The following JAKMIP2 variants were observed in gnomAD, a reference collection of about 807,000 sequenced individuals.
JAKMIP2 encodes janus kinase and microtubule-interacting protein 2.
A neutral mutation model predicts 115.0 loss-of-function variants in JAKMIP2; 25 were observed. That is an observed-to-expected ratio of 0.22 (90% CI 0.16 to 0.30). The LOEUF (loss-of-function observed/expected upper bound fraction) is 0.30, where lower values mean the gene tolerates loss of function less well. Ranked by LOEUF, JAKMIP2 falls within the 10% of genes least tolerant of loss-of-function variation. The pLI is 1.00. For missense variants in JAKMIP2, 642 were observed against 957.6 expected (o/e 0.67, Z 4.35); for synonymous variants, 334 against 343.6 (o/e 0.97, Z 0.31).
intron 20 of JAKMIP2, among the ~76,000 whole-genome samples, chr5:147,603,536 T>A (rs917857035): frequency 6.6e-6 from 1 of 152,182 alleles, no homozygotes; most frequent in Admixed American, 6.5e-5. Flanking sequence ...GCATACAGGA[T>A]CTTTAGCCTT....
chr5:147,762,104 G>A (rs1197490451), intron 1 of JAKMIP2, among the ~76,000 whole-genome samples: 1 of 152,032 alleles, frequency 6.6e-6, no homozygotes, highest in Non-Finnish European at 1.5e-5. Context: ...CTATATTTAG[G>A]AAGGATTTGA....
In JAKMIP2 at chr5:147,618,195, T is replaced by C. The variant is rs73268106; in HGVS notation, c.2143-81A>G. Reference sequence around the variant, plus strand: ...TGGGAGTGTATGCTATGTATGTATATGTATATGGCTGCCAACTTTAGGCTT... The same window carrying C: ...TGGGAGTGTATGCTATGTATGTATACGTATATGGCTGCCAACTTTAGGCTT... On this transcript the variant is annotated intron_variant, in intron 18 of 21. Transcript: ENST00000616793. 12,397 of 996,074 alleles carry C rather than the reference T, an allele frequency of 0.012. 908 individuals carry two copies. In the African/African-American group the frequency reaches 0.17, roughly 13 times the overall value. The allele number at this position is 996,074 out of a possible 1,614,324, so 61.7% of individuals were successfully genotyped here.
At chr5:147,675,321 G>A (rs1759879295) in intron 1 of JAKMIP2, among the ~76,000 whole-genome samples, 1 of 152,134 alleles carries the variant, frequency 6.6e-6, no homozygotes, top group African/African-American at 2.4e-5. Context: ...GCCTATGGGT[G>A]CCTTAAGGTG....
chr5:147,593,974 A>G (rs534432925), intron 21 of JAKMIP2, among the ~76,000 whole-genome samples: 1 of 152,336 alleles, frequency 6.6e-6, no homozygotes, highest in South Asian at 2.1e-4. Context: ...CATATCAAAG[A>G]TTAAATCCTA....
At chr5:147,625,273 G>A (rs1183772762) in intron 16 of JAKMIP2, among the ~76,000 whole-genome samples, 3 of 152,102 alleles carry the variant, frequency 2.0e-5, no homozygotes, top group Non-Finnish European at 2.9e-5. Context: ...GAGCCACTGC[G>A]CCCAGCCCCA....
chr5:147,620,529 A>C (rs1441433508), intron 18 of JAKMIP2, 137 bp downstream of exon 18: 1 of 509,528 alleles, frequency 2.0e-6, no homozygotes, highest in Non-Finnish European at 3.5e-6. Flanking sequence ...ATAAAATTAG[A>C]TCTGAAAACC....
At chr5:147,749,064 A>G (rs1323494827) in intron 1 of JAKMIP2, among the ~76,000 whole-genome samples, 1 of 152,186 alleles carries the variant, frequency 6.6e-6, no homozygotes, top group African/African-American at 2.4e-5. Context: ...TTAAGAGATG[A>G]GAAAATTGAA....
chr5:147,650,579 T>C (rs756119843), intron 3 of JAKMIP2, 32 bp from the exon 4 acceptor site: 33 of 1,493,102 alleles, frequency 2.2e-5, no homozygotes, highest in South Asian at 1.0e-4. Flanking sequence ...ACATTTTATT[T>C]AACAATGCTG....
chr5:147,626,682 G>T (rs1757112023), intron 16 of JAKMIP2, among the ~76,000 whole-genome samples: 1 of 152,188 alleles, frequency 6.6e-6, no homozygotes, highest in African/African-American at 2.4e-5. Flanking sequence ...GTTCTGATAA[G>T]TACAGTTGTA....
intron 1 of JAKMIP2, among the ~76,000 whole-genome samples, chr5:147,779,698 C>G (rs190096345): frequency 3.9e-5 from 6 of 152,126 alleles, no homozygotes; most frequent in Admixed American, 6.5e-5. Context: ...AAGTCAACTA[C>G]AAAATGGAGT....
At position 147,730,448 on chromosome 5, in the gene JAKMIP2, A is replaced by ATT. The variant is rs10690155; in HGVS notation, c.-149+52006_-149+52007dup. On this transcript the variant is annotated intron_variant, in intron 1 of 21. Coordinates refer to ENST00000616793, the MANE Select transcript of JAKMIP2 (RefSeq NM_001270941.2). ...ATGTGATATCGGATCATCTTGCCCT[A>ATT]TTTTTTTTTTTTGTTATTGTTTTTT... Among the ~76,000 whole-genome samples the ATT allele has an allele frequency of 8.1e-3, 1,175 of 145,480 alleles. 9 individuals are homozygous for ATT. The highest frequency in any genetic ancestry group is 0.026 in the African/African-American group (1,029 of 39,646).
chr5:147,659,692 G>T (rs1358172976), intron 3 of JAKMIP2, among the ~76,000 whole-genome samples: 1 of 152,194 alleles, frequency 6.6e-6, no homozygotes, highest in East Asian at 1.9e-4. Flanking sequence ...TCGAAGTCCT[G>T]ATTCTTTCTT....
chr5:147,628,646 TCA>T, intron 16 of JAKMIP2, 103 bp downstream of exon 16: 2 of 771,462 alleles, frequency 2.6e-6, no homozygotes, highest in Non-Finnish European at 4.4e-6. Context: ...TATTAGGTAT[TCA>T]CACACAGTCA....
intron 8 of JAKMIP2, 62 bp downstream of exon 8, chr5:147,641,646 T>C (rs1341225318): frequency 7.6e-6 from 9 of 1,188,840 alleles, no homozygotes; most frequent in Admixed American, 1.8e-5. Flanking sequence ...GAAGATTCCA[T>C]GCCAAGCCTC....
At position 147,692,004 on chromosome 5, in the gene JAKMIP2, G is replaced by A. The variant is rs370185832; in HGVS notation, c.-148-20050C>T. Among the ~76,000 whole-genome samples the A allele has an allele frequency of 1.5e-3, 221 of 152,146 alleles. 5 individuals carry two copies. The highest frequency in any genetic ancestry group is 5.2e-3 in the African/African-American group (214 of 41,480). On this transcript the variant is annotated intron_variant, in intron 1 of 21. Transcript: ENST00000616793. The stretch of plus-strand genomic sequence containing the variant: ...ATAGATTCTAATCATCTCAGCTCCA[G>A]TGTCATTGACTCAAGGAAGCTGTTG...
At chr5:147,672,012 G>A in intron 1 of JAKMIP2, 58 bp from the exon 2 acceptor site, 1 of 1,176,606 alleles carries the variant, frequency 8.5e-7, no homozygotes, top group Non-Finnish European at 1.1e-6. Context: ...CTAAGTGCCA[G>A]TCAGTCTACT....
At chr5:147,743,044 G>A (rs1434081582) in intron 1 of JAKMIP2, among the ~76,000 whole-genome samples, 1 of 152,144 alleles carries the variant, frequency 6.6e-6, no homozygotes, top group Non-Finnish European at 1.5e-5. Context: ...AATAGTACCT[G>A]TAATCATAAT....
At chr5:147,623,838 T>C in intron 16 of JAKMIP2, 149 bp from the exon 17 acceptor site, 2 of 524,836 alleles carry the variant, frequency 3.8e-6, no homozygotes, top group Non-Finnish European at 6.8e-6. Flanking sequence ...TTTTGCTTGT[T>C]TGTTTGTTTT....
At position 147,718,397 on chromosome 5, in the gene JAKMIP2, G is replaced by T. The variant is rs200992667; in HGVS notation, c.-148-46443C>A. Among the ~76,000 whole-genome samples, 122 of 151,792 alleles carry T rather than the reference G, an allele frequency of 8.0e-4. 1 individual carries two copies. The East Asian group carries it at 0.022, about 27-fold the overall frequency. Reference sequence around the variant, plus strand: ...AGGGAGGATTCCCTCTTTTTCTATTGATTAGAATAGTTTCAGAAGGAATGG... The same window carrying T: ...AGGGAGGATTCCCTCTTTTTCTATTTATTAGAATAGTTTCAGAAGGAATGG... On this transcript the variant is annotated intron_variant, in intron 1 of 21. Coordinates refer to ENST00000616793, the MANE Select transcript of JAKMIP2 (RefSeq NM_001270941.2).
Sources: allele counts gnomAD v4.1 joint callset (sites outside exome capture counted in the v4.1 genomes callset), GRCh38; gene constraint gnomAD v4.1.1; transcripts MANE v1.5; gene names NCBI Gene and HGNC (gene_info 2026-07-23, HGNC 2026-07-21).